The following MBNL2 variants were observed in gnomAD, a reference collection of about 807,000 sequenced individuals.
MBNL2 encodes muscleblind-like protein 2.
In MBNL2, 17 loss-of-function variants were observed where a neutral mutation model predicts 41.9. The observed-to-expected ratio is 0.41, with a 90% CI of 0.28 to 0.61. The LOEUF (loss-of-function observed/expected upper bound fraction) is 0.61, where lower values mean the gene tolerates loss of function less well. MBNL2 is among the 20% of genes least tolerant of loss of function. MBNL2 has a pLI of 0.35. For synonymous variants in MBNL2, 195 were observed against 182.9 expected (o/e 1.07, Z -0.53); for missense variants, 336 against 505.6 (o/e 0.66, Z 3.22).
At chr13:97,196,942 A>T in the MBNL2 span, among the ~76,000 whole-genome samples, 23 of 152,246 alleles carry the variant, frequency 1.5e-4, no homozygotes, top group African/African-American at 5.3e-4. Context: ...GATCTTTGTT[A>T]TTCAGATTGT....
intron 1 of MBNL2, among the ~76,000 whole-genome samples, chr13:97,246,115 G>C (rs1481788026): frequency 6.6e-6 from 1 of 152,180 alleles, no homozygotes; most frequent in African/African-American, 2.4e-5. Context: ...AGCCTCCAAA[G>C]TTGGCTGAAA....
chr13:97,154,649 A>C, the MBNL2 span, among the ~76,000 whole-genome samples: 4 of 152,154 alleles, frequency 2.6e-5, no homozygotes, highest in Non-Finnish European at 5.9e-5. Flanking sequence ...CAAAAGAGGG[A>C]GTGATTAAAT....
the MBNL2 span, among the ~76,000 whole-genome samples, chr13:97,156,926 T>G: frequency 6.6e-6 from 1 of 152,034 alleles, no homozygotes; most frequent in Non-Finnish European, 1.5e-5. Context: ...TCCAATTCTG[T>G]GAAGAAAGTC....
intron 3 of MBNL2, among the ~76,000 whole-genome samples, chr13:97,341,930 G>T (rs2061471590): frequency 6.6e-6 from 1 of 152,168 alleles, no homozygotes; most frequent in African/African-American, 2.4e-5. Context: ...ATAGTTCAAT[G>T]TTAAAAGTGT....
the MBNL2 span, among the ~76,000 whole-genome samples, chr13:97,196,456 T>C: frequency 6.6e-6 from 1 of 152,102 alleles, no homozygotes; most frequent in Non-Finnish European, 1.5e-5. Flanking sequence ...TATTTAGAGG[T>C]GTAGGCATAG....
intron 1 of MBNL2, among the ~76,000 whole-genome samples, chr13:97,241,159 T>C (rs2044202215): frequency 6.6e-6 from 1 of 152,304 alleles, no homozygotes; most frequent in South Asian, 2.1e-4. Context: ...GGAACTGAAG[T>C]CCCCTTCCTT....
chr13:97,205,047 C>A, the MBNL2 span, among the ~76,000 whole-genome samples: 1 of 151,674 alleles, frequency 6.6e-6, no homozygotes, highest in Admixed American at 6.6e-5. Flanking sequence ...TGGCACGCAC[C>A]TGTAGTCCAA....
intron 1 of MBNL2, among the ~76,000 whole-genome samples, chr13:97,230,572 G>T (rs1397181693): frequency 2.0e-5 from 3 of 152,206 alleles, no homozygotes; most frequent in African/African-American, 7.2e-5. Flanking sequence ...AACAGAGATA[G>T]GCAATGACAA....
intron 2 of MBNL2, among the ~76,000 whole-genome samples, chr13:97,333,547 A>G (rs556052603): frequency 1.8e-4 from 28 of 152,328 alleles, no homozygotes; most frequent in African/African-American, 6.5e-4. Context: ...TAGCAAAGTA[A>G]TCACTTGCAG....
At chr13:97,233,809 A>G (rs977173946) in intron 1 of MBNL2, among the ~76,000 whole-genome samples, 3 of 151,988 alleles carry the variant, frequency 2.0e-5, no homozygotes. Context: ...ACTTCCCACA[A>G]TGCGTGCTAC....
At chr13:97,345,941 GTAGA>G (rs1304009491) in intron 4 of MBNL2, among the ~76,000 whole-genome samples, 2 of 152,142 alleles carry the variant, frequency 1.3e-5, no homozygotes, top group African/African-American at 4.8e-5. Flanking sequence ...ATAGAGAGAG[GTAGA>G]TAGATTATAG....
the MBNL2 span, among the ~76,000 whole-genome samples, chr13:97,144,423 C>CTTTTTTTTTTTTTT: frequency 5.5e-4 from 65 of 118,052 alleles, 5 homozygotes; most frequent in East Asian, 2.6e-3. Context: ...CATGATACTT[C>CTTTTTTTTTTTTTT]TTTTTTTTTT....
At chr13:97,274,862 C>T (rs902042288) in intron 1 of MBNL2, among the ~76,000 whole-genome samples, 1 of 152,200 alleles carries the variant, frequency 6.6e-6, no homozygotes, top group Non-Finnish European at 1.5e-5. Context: ...TTCCATACTA[C>T]AGAGCGTTTT....
chr13:97,150,545 A>G, the MBNL2 span, among the ~76,000 whole-genome samples: 1 of 152,232 alleles, frequency 6.6e-6, no homozygotes, highest in African/African-American at 2.4e-5. Flanking sequence ...CAGTTGGTGA[A>G]GACTTGAATA....
intron 2 of MBNL2, among the ~76,000 whole-genome samples, chr13:97,332,888 C>T (rs917969715): frequency 2.0e-5 from 3 of 152,198 alleles, no homozygotes; most frequent in Non-Finnish European, 2.9e-5. Context: ...CAACTATTAA[C>T]GCTGCTAACA....
rs923768394 is a variant in MBNL2, at chr13:97,222,511, G to T, written c.-625G>T. 1 of 398,610 alleles carries T rather than the reference G, an allele frequency of 2.5e-6. No individual in the cohort carries two copies. The highest frequency in any genetic ancestry group is 4.4e-6 in the Non-Finnish European group (1 of 226,050). The allele number at this position is 398,610 out of a possible 1,614,324, so 24.7% of individuals were successfully genotyped here. On this transcript the variant is annotated 5_prime_UTR_variant, in exon 1 of 9. It adds an upstream start codon to the 5' untranslated region. Coordinates refer to ENST00000679496, the MANE Select transcript of MBNL2 (RefSeq NM_001382683.1). The stretch of plus-strand genomic sequence containing the variant: ...TTCCTGGGGTTACTGTAAATGGGAA[G>T]GACAGGCAGAGCTAAACAAGGTAGG...
At chr13:97,326,428 T>C (rs2059916315) in intron 2 of MBNL2, among the ~76,000 whole-genome samples, 2 of 152,234 alleles carry the variant, frequency 1.3e-5, no homozygotes, top group South Asian at 4.1e-4. Flanking sequence ...TTATCTGTCA[T>C]TAATAAGTAC....
Position 97,346,933 on chromosome 13 carries a change from G to C in MBNL2, c.670G>C (p.Gly224Arg), listed in dbSNP as rs773550390. 1 of 1,614,156 alleles carries C rather than the reference G, an allele frequency of 6.2e-7. No homozygotes were observed. The highest frequency in any genetic ancestry group is 8.5e-7 in the Non-Finnish European group (1 of 1,179,980). ...AACCGTTTGTATGGATTACATAAAG[G>C]GGCGTTGCATGAGGGAGAAATGCAA... ...TVTVCMDYIKGRCMREKCKYF... is the reference protein window; with the variant it reads ...TVTVCMDYIKRRCMREKCKYF... Residue 224 changes from glycine to arginine, a missense_variant, in exon 5 of 9, where the codon GGG (glycine) becomes CGG (arginine). Coordinates refer to ENST00000679496, the MANE Select transcript of MBNL2 (RefSeq NM_001382683.1). The surrounding 1 kb of genome is among the most constrained non-coding windows in gnomAD (Gnocchi z 4.2).
chr13:97,266,371 A>C (rs2049808296), intron 1 of MBNL2, among the ~76,000 whole-genome samples: 1 of 152,252 alleles, frequency 6.6e-6, no homozygotes, highest in African/African-American at 2.4e-5. Context: ...AAGTCAATCG[A>C]GTTCTCTATT....
Sources: allele counts gnomAD v4.1 joint callset (sites outside exome capture counted in the v4.1 genomes callset), GRCh38; gene constraint gnomAD v4.1.1; non-coding constraint Gnocchi (gnomAD v3.1); transcripts MANE v1.5; gene names NCBI Gene and HGNC (gene_info 2026-07-23, HGNC 2026-07-21).